Variants in UAP1 observed in about 807,000 individuals in gnomAD.
UAP1 encodes the protein UDP-N-acetylhexosamine pyrophosphorylase.
Under a neutral mutation model 58.5 loss-of-function variants are expected in UAP1, and 25 were observed. The ratio of observed to expected loss-of-function variants is 0.43; its 90% CI spans 0.31 to 0.60. The LOEUF is 0.60. Ranked by LOEUF, UAP1 falls within the 20% of genes least tolerant of loss-of-function variation. The probability of loss-of-function intolerance (pLI) is 0.11; values close to 1 mark genes in which losing one functional copy is unlikely to be tolerated. For missense variants in UAP1, 575 were observed against 630.0 expected (o/e 0.91, Z 0.93); for synonymous variants, 208 against 213.0 (o/e 0.98, Z 0.21).
exon 4 of UAP1, chr1:162,579,583 A>G: frequency 6.3e-7 from 1 of 1,595,962 alleles, no homozygotes; most frequent in Non-Finnish European, 8.5e-7. Context: ...GAAGAGAAGA[A>G]CAAAGTTTCT....
At chr1:162,587,400 A>C in intron 5 of UAP1, 75 bp from the exon 6 acceptor site, 2 of 1,389,958 alleles carry the variant, frequency 1.4e-6, no homozygotes, top group Non-Finnish European at 2.0e-6. Flanking sequence ...TGTAAATGTC[A>C]TCTTTGACAA....
intron 5 of UAP1, 63 bp downstream of exon 5, chr1:162,581,522 A>G: frequency 3.3e-6 from 5 of 1,493,220 alleles, no homozygotes; most frequent in Non-Finnish European, 3.6e-6. Flanking sequence ...TACGCATTCC[A>G]GAAGTCAAAC....
chr1:162,589,108 T>TTA (rs1221587680), intron 7 of UAP1, among the ~76,000 whole-genome samples: 2 of 119,860 alleles, frequency 1.7e-5, no homozygotes, highest in African/African-American at 6.6e-5. Flanking sequence ...AATATATATA[T>TTA]TATATATATA....
exon 11 of UAP1, chr1:162,599,630 C>T (rs1373106242): frequency 1.1e-5 from 3 of 280,564 alleles, no homozygotes; most frequent in South Asian, 9.5e-5. Context: ...CAGGAAATTT[C>T]GTACAGCTGA....
At chr1:162,598,201 A>T (rs937434689) in intron 10 of UAP1, among the ~76,000 whole-genome samples, 5 of 152,024 alleles carry the variant, frequency 3.3e-5, no homozygotes, top group Non-Finnish European at 7.4e-5. Flanking sequence ...ACCTGTCTTT[A>T]TAAAGAAAAA....
In UAP1 at chr1:162,582,625, A is replaced by T. The variant is rs371584769; in HGVS notation, c.834+1166A>T. 5.9e-5 allele frequency among the ~76,000 whole-genome samples: 9 copies of T among 152,338 alleles called. No homozygotes were observed. The South Asian group carries it at 1.9e-3, about 32-fold the overall frequency. On this transcript the variant is annotated intron_variant, in intron 5 of 10. Coordinates refer to ENST00000271469, the Ensembl canonical transcript of UAP1. ...GTTAAATATTTAAAAATGAAATCAT[A>T]AAGGTATTAGAAGAAAATTAGAAGA... is the stretch of plus-strand genomic sequence containing the variant.
At chr1:162,586,450 C>T (rs1654909054) in intron 5 of UAP1, among the ~76,000 whole-genome samples, 1 of 152,102 alleles carries the variant, frequency 6.6e-6, no homozygotes, top group African/African-American at 2.4e-5. Flanking sequence ...TCCTCAGTCT[C>T]CCTAGTAGCT....
At chr1:162,596,332 C>T (rs1018613737) in intron 9 of UAP1, among the ~76,000 whole-genome samples, 2 of 151,920 alleles carry the variant, frequency 1.3e-5, no homozygotes, top group Admixed American at 6.6e-5. Flanking sequence ...CGCGCCACCA[C>T]ACCCGGCTAA....
chr1:162,572,036 A>T (rs1653895425), intron 2 of UAP1, among the ~76,000 whole-genome samples: 1 of 152,228 alleles, frequency 6.6e-6, no homozygotes, highest in Non-Finnish European at 1.5e-5. Context: ...TTGCAAATAT[A>T]TGTGGATTGT....
intron 9 of UAP1, among the ~76,000 whole-genome samples, chr1:162,596,992 C>G (rs1369484751): frequency 6.6e-6 from 1 of 152,170 alleles, no homozygotes. Context: ...GGACTTTGAC[C>G]TTGCCTTCGC....
chr1:162,566,887 C>G (rs1653547161), intron 2 of UAP1, among the ~76,000 whole-genome samples: 2 of 152,176 alleles, frequency 1.3e-5, no homozygotes, highest in Non-Finnish European at 2.9e-5. Context: ...CTTGGCCTCC[C>G]AAAGTGTTGG....
intron 9 of UAP1, among the ~76,000 whole-genome samples, chr1:162,595,246 G>C (rs1557981586): frequency 6.6e-6 from 1 of 152,066 alleles, no homozygotes; most frequent in South Asian, 2.1e-4. Flanking sequence ...TAGTTTCTTG[G>C]GGTATCTTTG....
chr1:162,568,216 C>G (rs1055417707), intron 2 of UAP1, among the ~76,000 whole-genome samples: 1 of 152,108 alleles, frequency 6.6e-6, no homozygotes, highest in African/African-American at 2.4e-5. Context: ...ATCCCCTTAC[C>G]CCCTGTAAAA....
At chr1:162,595,761 T>C (rs745383079) in intron 9 of UAP1, among the ~76,000 whole-genome samples, 1 of 152,222 alleles carries the variant, frequency 6.6e-6, no homozygotes, top group Non-Finnish European at 1.5e-5. Context: ...TCAGGCAGTA[T>C]GTGATTATGT....
intron 3 of UAP1, among the ~76,000 whole-genome samples, chr1:162,578,453 C>T (rs373066029): frequency 6.6e-5 from 10 of 152,194 alleles, no homozygotes; most frequent in African/African-American, 1.4e-4. Flanking sequence ...CTTCTCACCA[C>T]GAGTACTGGC....
At chr1:162,571,552 T>C (rs1161338642) in intron 2 of UAP1, among the ~76,000 whole-genome samples, 1 of 152,186 alleles carries the variant, frequency 6.6e-6, no homozygotes, top group African/African-American at 2.4e-5. Flanking sequence ...TTTTCAGTGT[T>C]TTTCAGTATT....
intron 10 of UAP1, among the ~76,000 whole-genome samples, chr1:162,599,026 A>T (rs1449215305): frequency 6.6e-6 from 1 of 152,040 alleles, no homozygotes; most frequent in Non-Finnish European, 1.5e-5. Flanking sequence ...TGATTATAGG[A>T]AAAATGTTTA....
intron 2 of UAP1, among the ~76,000 whole-genome samples, chr1:162,571,075 T>C (rs1653829510): frequency 6.6e-6 from 1 of 151,792 alleles, no homozygotes; most frequent in South Asian, 2.1e-4. Flanking sequence ...GCCCTAGAAA[T>C]GTGTCAGTCT....
intron 5 of UAP1, among the ~76,000 whole-genome samples, chr1:162,582,857 C>G (rs1168227894): frequency 6.6e-6 from 1 of 152,180 alleles, no homozygotes; most frequent in Admixed American, 6.5e-5. Flanking sequence ...TTTACTGATA[C>G]AAGTTTTGAG....
Sources: gnomAD v4.1 joint callset for allele counts (sites outside exome capture counted in the v4.1 genomes callset) on GRCh38, gnomAD v4.1.1 for gene constraint, MANE v1.5 for transcripts, NCBI Gene and HGNC (gene_info 2026-07-23, HGNC 2026-07-21) for gene names.